MYMX: variants seen among roughly 807,000 people sequenced by gnomAD.
The protein encoded by MYMX is protein myomixer.
At chr6:44,212,885 G>C (rs890490138), upstream of MYMX, among the ~76,000 whole-genome samples, 1 of 149,578 alleles carries the variant, frequency 6.7e-6, no homozygotes, top group Non-Finnish European at 1.5e-5. Flanking sequence ...AACAAAACTT[G>C]ACTGGGCACG....
the MYMX span, among the ~76,000 whole-genome samples, chr6:44,207,109 C>G: frequency 2.0e-5 from 3 of 152,140 alleles, no homozygotes; most frequent in South Asian, 2.1e-4. Flanking sequence ...CCTTGGCAAA[C>G]CAAGATTTCA....
At chr6:44,217,192 G>A (rs1042901800) in intron 1 of MYMX, among the ~76,000 whole-genome samples, 6 of 152,188 alleles carry the variant, frequency 3.9e-5, no homozygotes, top group Admixed American at 3.3e-4. Flanking sequence ...AATGCCTGGA[G>A]CTGGGAACGG....
chr6:44,214,521 C>G (rs1237474969), upstream of MYMX, among the ~76,000 whole-genome samples: 1 of 152,196 alleles, frequency 6.6e-6, no homozygotes, highest in African/African-American at 2.4e-5. Flanking sequence ...CCAGTTTCTT[C>G]GTTTGTACAA....
At chr6:44,202,015 T>C in the MYMX span, among the ~76,000 whole-genome samples, 11 of 152,264 alleles carry the variant, frequency 7.2e-5, no homozygotes, top group East Asian at 2.1e-3. Context: ...ATGCAAGTCA[T>C]GCGGAGGCAG....
At chr6:44,199,042 C>T in the MYMX span, among the ~76,000 whole-genome samples, 1 of 152,180 alleles carries the variant, frequency 6.6e-6, no homozygotes, top group Non-Finnish European at 1.5e-5. Flanking sequence ...CCCCTCTCCC[C>T]TACATGTTCT....
chr6:44,217,492 G>C lies in MYMX; in HGVS notation c.21G>C (p.Pro7=), dbSNP rs1314498911. 2.5e-6 allele frequency: 1 copy of C among 404,108 alleles called. No homozygotes were observed. Among genetic ancestry groups the C allele is most frequent in the Non-Finnish European group, 4.4e-6 (1 of 229,098 alleles). 25.0% of individuals were successfully genotyped at this position (404,108 alleles called of 1,614,324 possible). The change falls in exon 2 of 2, where the codon CCG becomes CCC. Residue 7 remains proline, a synonymous_variant. Coordinates refer to ENST00000573382, the MANE Select transcript of MYMX (RefSeq NM_001315494.2). ...CTGCCATGCCCACGCCACTGCTCCC[G>C]CTGCTGCTTCGATTGCTGCTGTCCT... MPTPLL[P]LLLRLLLSCL... is the part of the protein sequence containing the mutation.
At chr6:44,202,951 T>C in the MYMX span, among the ~76,000 whole-genome samples, 1 of 151,888 alleles carries the variant, frequency 6.6e-6, no homozygotes, top group Non-Finnish European at 1.5e-5. Flanking sequence ...GGGGTAGGAG[T>C]ATCTGGGCCT....
upstream of MYMX, among the ~76,000 whole-genome samples, chr6:44,214,764 G>A (rs1416335043): frequency 6.6e-6 from 1 of 152,074 alleles, no homozygotes; most frequent in Admixed American, 6.6e-5. Context: ...GTAGAGATGG[G>A]GTTTCACCGT....
At chr6:44,195,567 A>G in the MYMX span, among the ~76,000 whole-genome samples, 1 of 152,144 alleles carries the variant, frequency 6.6e-6, no homozygotes. Context: ...TCCGGGCTCA[A>G]GTGATCCTCC....
the MYMX span, among the ~76,000 whole-genome samples, chr6:44,205,988 A>C: frequency 4.5e-3 from 642 of 143,442 alleles, 47 homozygotes; most frequent in African/African-American, 0.013. Context: ...TCAAAAAAAA[A>C]AAAACAAAAC....
the MYMX span, among the ~76,000 whole-genome samples, chr6:44,193,414 C>A: frequency 6.6e-6 from 1 of 152,012 alleles, no homozygotes; most frequent in Admixed American, 6.6e-5. Context: ...CTGTATTATG[C>A]CCTTAATCCT....
upstream of MYMX, among the ~76,000 whole-genome samples, chr6:44,212,075 T>TA (rs1479518546): frequency 6.6e-6 from 1 of 152,092 alleles, no homozygotes; most frequent in African/African-American, 2.4e-5. Flanking sequence ...TATGCCTGGC[T>TA]AAAAGAGAGG....
chr6:44,215,584 A>G (rs934053445), upstream of MYMX, among the ~76,000 whole-genome samples: 1 of 147,536 alleles, frequency 6.8e-6, no homozygotes, highest in Non-Finnish European at 1.5e-5. Context: ...AAAAAATAAT[A>G]TAAATAAAAT....
the MYMX span, among the ~76,000 whole-genome samples, chr6:44,195,055 G>A: frequency 6.6e-6 from 1 of 151,088 alleles, no homozygotes; most frequent in Non-Finnish European, 1.5e-5. Context: ...TTGCTCTGTT[G>A]CTCAGGCTGG....
chr6:44,200,511 T>C, the MYMX span, among the ~76,000 whole-genome samples: 16,747 of 152,084 alleles, frequency 0.11, 1,081 homozygotes, highest in Middle Eastern at 0.21. Context: ...GATGGTGTTT[T>C]ACCTTGTTGG....
chr6:44,204,865 T>C, the MYMX span, among the ~76,000 whole-genome samples: 1 of 152,234 alleles, frequency 6.6e-6, no homozygotes, highest in African/African-American at 2.4e-5. Flanking sequence ...CCTGTAAATC[T>C]GTCTATGTCA....
In MYMX at chr6:44,217,574, C is replaced by T. The variant is rs1397490847; in HGVS notation, c.103C>T (p.Arg35Ter). The change falls in exon 2 of 2, where the codon CGA becomes TGA. Residue 35 changes from arginine (R) to a stop codon, truncating the protein, a stop_gained. Transcript: ENST00000573382. LOFTEE classifies it high-confidence loss of function. ...ARQYLLPLLR[R>*]LARRLGSQDM... The stretch of plus-strand genomic sequence containing the variant: ...CCAATACCTCCTGCCCCTGCTGCGC[C>T]GATTGGCCCGCCGCCTGGGCTCCCA... The T allele has an allele frequency of 1.7e-5, 7 of 402,302 alleles. No individual in the cohort carries two copies. Among genetic ancestry groups the T allele is most frequent in the African/African-American group, 6.2e-5 (3 of 48,734 alleles). The allele number at this position is 402,302 out of a possible 1,614,324, so 24.9% of individuals were successfully genotyped here. A position where few individuals can be genotyped will look rare whatever the true frequency, so the allele number is the denominator to read the frequency against.
At chr6:44,213,470 G>T (rs1775706443), upstream of MYMX, among the ~76,000 whole-genome samples, 1 of 151,142 alleles carries the variant, frequency 6.6e-6, no homozygotes, top group Non-Finnish European at 1.5e-5. Context: ...CACCCAGGCT[G>T]GAGTGCAATG....
chr6:44,195,568 G>A, the MYMX span, among the ~76,000 whole-genome samples: 1 of 152,268 alleles, frequency 6.6e-6, no homozygotes, highest in African/African-American at 2.4e-5. Flanking sequence ...CCGGGCTCAA[G>A]TGATCCTCCC....
Sources: gnomAD v4.1 joint callset for allele counts (sites outside exome capture counted in the v4.1 genomes callset) on GRCh38, gnomAD v4.1.1 for gene constraint, MANE v1.5 for transcripts, NCBI Gene and HGNC (gene_info 2026-07-23, HGNC 2026-07-21) for gene names.